NCOR2: variants seen among roughly 807,000 people sequenced by gnomAD.
The protein encoded by NCOR2 is nuclear receptor corepressor 2, also known as CTG repeat protein 26.
Under a neutral mutation model 262.9 loss-of-function variants are expected in NCOR2, and 81 were observed. The ratio of observed to expected loss-of-function variants is 0.31; its 90% confidence interval spans 0.26 to 0.37. NCOR2 has a LOEUF of 0.37. Among genes scored for constraint, NCOR2 ranks in the 10% least tolerant of loss-of-function variants. The pLI is 1.00. For synonymous variants in NCOR2, 1,659 were observed against 1,559.3 expected (o/e 1.06, Z -1.51); for missense variants, 3,385 against 3,621.4 (o/e 0.93, Z 1.68).
At chr12:124,356,069 G>T (rs924755327) in intron 23 of NCOR2, among the ~76,000 whole-genome samples, 13 of 152,220 alleles carry the variant, frequency 8.5e-5, no homozygotes, top group African/African-American at 3.1e-4. Context: ...GCCAGATTCA[G>T]TTTCTCAAGC....
At chr12:124,341,872 G>A (rs2036491052) in exon 34 of NCOR2, 1 of 1,611,648 alleles carries the variant, frequency 6.2e-7, no homozygotes, top group South Asian at 1.1e-5. Flanking sequence ...CGCGGGGCGA[G>A]AGGCCCCTCA....
In NCOR2 at chr12:124,566,348, C is replaced by T. The variant is rs1021568738; in HGVS notation, c.-165+960G>A. ...GGACACTCGCTTCCAAAAAAATAAA[C>T]CTACAATGTAAAAATAACGCCGGGC... is the stretch of plus-strand genomic sequence containing the variant. On this transcript the variant is annotated intron_variant, in intron 1 of 32. Transcript: ENST00000458234. This position sits in a 1 kb window ranked among gnomAD's most constrained non-coding sequence, Gnocchi z 4.3. 4.6e-5 allele frequency among the ~76,000 whole-genome samples: 7 copies of T among 152,188 alleles called. No individual in the cohort carries two copies. Among genetic ancestry groups the T allele is most frequent in the African/African-American group, 1.4e-4 (6 of 41,442 alleles).
intron 17 of NCOR2, among the ~76,000 whole-genome samples, chr12:124,385,531 C>T (rs571246260): frequency 5.9e-5 from 9 of 152,214 alleles, no homozygotes; most frequent in East Asian, 1.9e-4. Context: ...TGGCCCGGCC[C>T]GTCTCCAAGG....
At chr12:124,527,480 C>T (rs1209353598) in intron 1 of NCOR2, among the ~76,000 whole-genome samples, 1 of 151,822 alleles carries the variant, frequency 6.6e-6, no homozygotes, top group Non-Finnish European at 1.5e-5. Flanking sequence ...TGCAGTGGCA[C>T]GATCTCAGCT....
chr12:124,381,941 CG>C (rs1460533371), intron 17 of NCOR2, among the ~76,000 whole-genome samples: 2 of 152,254 alleles, frequency 1.3e-5, no homozygotes, highest in African/African-American at 4.8e-5. Flanking sequence ...GCCCGGCCGC[CG>C]GATCCTGCTT....
Position 124,495,201 on chromosome 12 carries a change from G to C in NCOR2, c.51C>G (p.Pro17=). The change falls in exon 1 of 47, where the codon CCC becomes CCG. Residue 17 remains proline, a synonymous_variant. Coordinates refer to ENST00000405201, the Ensembl canonical transcript of NCOR2. The surrounding 1 kb of genome is among the most constrained non-coding windows in gnomAD (Gnocchi z 4.4). ...AGGAAAGGCTGTGGGGCGGGTAGCG[G>C]GGCTCAGTGGCCCTCCACGTCTGTG... The C allele has an allele frequency of 6.8e-6, 11 of 1,613,912 alleles. No individual in the cohort carries two copies. The highest frequency in any genetic ancestry group is 9.3e-6 in the Non-Finnish European group (11 of 1,179,938).
upstream of NCOR2, among the ~76,000 whole-genome samples, chr12:124,495,714 C>G (rs970661469): frequency 2.0e-5 from 3 of 152,190 alleles, no homozygotes; most frequent in Non-Finnish European, 4.4e-5. This position sits in a 1 kb window ranked among gnomAD's most constrained non-coding sequence, Gnocchi z 4.4. Context: ...CCATGGCCCC[C>G]GGGTTTCTAA....
intron 38 of NCOR2, 79 bp downstream of exon 40, chr12:124,336,674 T>C: frequency 6.5e-7 from 1 of 1,550,026 alleles, no homozygotes; most frequent in South Asian, 1.2e-5. Flanking sequence ...CGCACCTCCT[T>C]CTCGCGCCCC....
chr12:124,479,344 A>T (rs1473828870), intron 3 of NCOR2, among the ~76,000 whole-genome samples: 1 of 151,374 alleles, frequency 6.6e-6, no homozygotes, highest in East Asian at 1.9e-4. Context: ...ACAAACACAC[A>T]TACACACGTG....
intron 14 of NCOR2, among the ~76,000 whole-genome samples, chr12:124,401,074 G>A (rs1173441854): frequency 2.6e-5 from 4 of 152,118 alleles, no homozygotes; most frequent in Non-Finnish European, 5.9e-5. Flanking sequence ...AGCCAGGCGT[G>A]GTGGCATATG....
chr12:124,526,019 G>A (rs1244070073), intron 1 of NCOR2, among the ~76,000 whole-genome samples: 2 of 152,196 alleles, frequency 1.3e-5, no homozygotes, highest in African/African-American at 4.8e-5. Context: ...GCAAGAAAAG[G>A]ATCAGGAAAT....
intron 46 of NCOR2, 31 bp downstream of exon 48, chr12:124,326,160 G>C (rs1003117766): frequency 6.8e-7 from 1 of 1,460,498 alleles, no homozygotes; most frequent in South Asian, 1.4e-5. Flanking sequence ...GGGGCTCAGC[G>C]AGCCCAGCCC....
intron 1 of NCOR2, among the ~76,000 whole-genome samples, chr12:124,544,928 C>T (rs2051493297): frequency 6.6e-6 from 1 of 152,176 alleles, no homozygotes; most frequent in African/African-American, 2.4e-5. Flanking sequence ...TGGCTAAAAT[C>T]AGGCTGGCTC....
At chr12:124,394,734 CCT>C (rs965860318) in intron 16 of NCOR2, among the ~76,000 whole-genome samples, 5 of 152,194 alleles carry the variant, frequency 3.3e-5, no homozygotes, top group African/African-American at 1.2e-4. Flanking sequence ...GGGAATGCAG[CCT>C]CTTGGATGCC....
At chr12:124,334,124 C>A (rs2035655657) in intron 41 of NCOR2, among the ~76,000 whole-genome samples, 1 of 152,200 alleles carries the variant, frequency 6.6e-6, no homozygotes, top group Non-Finnish European at 1.5e-5. Context: ...CTTCTCCAGG[C>A]CTTAGTTTCT....
At position 124,354,655 on chromosome 12, in the gene NCOR2, T is replaced by C. The variant is rs538911022; in HGVS notation, c.3485-73A>G. On this transcript the variant is annotated intron_variant, in intron 25 of 46. Coordinates refer to ENST00000405201, the Ensembl canonical transcript of NCOR2. ...CCGGGAGGCTTGTCCCCACCCAACC[T>C]GAGCCAGGGGCTGGGAAGCGCTGCC... 2.9e-5 allele frequency: 41 copies of C among 1,400,010 alleles called. No individual in the cohort carries two copies. The East Asian group carries it at 9.0e-4, about 31-fold the overall frequency. The allele number at this position is 1,400,010 out of a possible 1,614,324, so 86.7% of individuals were successfully genotyped here.
chr12:124,450,635 C>T (rs1326196200), intron 6 of NCOR2, among the ~76,000 whole-genome samples: 1 of 152,132 alleles, frequency 6.6e-6, no homozygotes, highest in Non-Finnish European at 1.5e-5. Context: ...GAGGCAGGGC[C>T]CACATGTAGC....
intron 32 of NCOR2, among the ~76,000 whole-genome samples, chr12:124,343,762 G>A (rs1431797368): frequency 2.0e-5 from 3 of 152,110 alleles, no homozygotes; most frequent in African/African-American, 7.2e-5. Context: ...GAGTAGCTGG[G>A]AATACAGGTG....
Position 124,429,712 on chromosome 12 carries a change from G to A in NCOR2, c.1056-6C>T, listed in dbSNP as rs1321576654. ...TGCCCCGCTGGCCCACCCTGCTGGG[G>A]ACCAAGGGGACACACTCAGGACCGG... is the stretch of plus-strand genomic sequence containing the variant. On this transcript the variant is annotated splice_polypyrimidine_tract_variant and splice_region_variant and intron_variant, in intron 9 of 46. Transcript: ENST00000405201. The A allele has an allele frequency of 6.3e-7, 1 of 1,594,642 alleles. No homozygotes were observed. The highest frequency in any genetic ancestry group is 1.7e-4 in the Middle Eastern group (1 of 6,030).
Sources: allele counts gnomAD v4.1 joint callset (sites outside exome capture counted in the v4.1 genomes callset), GRCh38; gene constraint gnomAD v4.1.1; non-coding constraint Gnocchi (gnomAD v3.1); transcripts MANE v1.5; gene names NCBI Gene and HGNC (gene_info 2026-07-23, HGNC 2026-07-21).